Variants in FGGY observed in about 807,000 individuals in gnomAD.
FGGY encodes FGGY carbohydrate kinase domain containing.
A neutral mutation model predicts 71.3 loss-of-function variants in FGGY; 72 were observed. That is an observed-to-expected ratio of 1.01 (90% confidence interval 0.84 to 1.23). The LOEUF is 1.23. Among genes scored for constraint, FGGY ranks in the 50% most tolerant of loss-of-function variants. The probability of loss-of-function intolerance (pLI) is 0.00; values close to 1 mark genes in which losing one functional copy is unlikely to be tolerated. For missense variants in FGGY, 668 were observed against 682.3 expected (o/e 0.98, Z 0.23); for synonymous variants, 251 against 250.3 (o/e 1.00, Z -0.02).
chr1:59,730,451 C>T (rs1420635453), intron 14 of FGGY, among the ~76,000 whole-genome samples: 2 of 152,130 alleles, frequency 1.3e-5, no homozygotes, highest in Non-Finnish European at 2.9e-5. Context: ...AAGCAGGGGC[C>T]ATGTCTGTTT....
chr1:59,341,016 G>A (rs1278322657), intron 3 of FGGY, among the ~76,000 whole-genome samples: 1 of 152,152 alleles, frequency 6.6e-6, no homozygotes, highest in East Asian at 1.9e-4. Context: ...TTCTGTTAGA[G>A]AACCCTTGAT....
chr1:59,668,145 G>A (rs2097342048), intron 13 of FGGY, among the ~76,000 whole-genome samples: 1 of 152,204 alleles, frequency 6.6e-6, no homozygotes, highest in South Asian at 2.1e-4. Context: ...GACAGTGGGG[G>A]AGAAGGATCC....
At chr1:59,695,724 C>T (rs1048596001) in intron 14 of FGGY, among the ~76,000 whole-genome samples, 1 of 152,186 alleles carries the variant, frequency 6.6e-6, no homozygotes, top group Non-Finnish European at 1.5e-5. Flanking sequence ...ACACTGTGGT[C>T]AACCAGTGCT....
intron 6 of FGGY, among the ~76,000 whole-genome samples, chr1:59,499,299 G>GTTTTTTTTTTTTTTTTTTTTTTT (rs58170089): frequency 2.8e-5 from 3 of 105,802 alleles, no homozygotes; most frequent in Non-Finnish European, 3.7e-5. Flanking sequence ...TACTATGTTT[G>GTTTTTTTTTTTTTTTTTTTTTTT]TTTTTTTTTT....
At chr1:59,374,834 C>T (rs920429303) in intron 4 of FGGY, among the ~76,000 whole-genome samples, 7 of 144,332 alleles carry the variant, frequency 4.8e-5, no homozygotes, top group Non-Finnish European at 1.0e-4. Context: ...CGCATATTCT[C>T]ACTCATAGGT....
intron 5 of FGGY, among the ~76,000 whole-genome samples, chr1:59,410,072 C>CA (rs1410853762): frequency 6.6e-6 from 1 of 152,102 alleles, no homozygotes; most frequent in Non-Finnish European, 1.5e-5. Flanking sequence ...AGAGGAAGGC[C>CA]ATTGGTATGA....
intron 11 of FGGY, among the ~76,000 whole-genome samples, chr1:59,655,143 G>T (rs1387015544): frequency 6.6e-6 from 1 of 152,168 alleles, no homozygotes; most frequent in Non-Finnish European, 1.5e-5. Flanking sequence ...CCACAGCATG[G>T]TGAAGGAGAT....
intron 14 of FGGY, among the ~76,000 whole-genome samples, chr1:59,732,567 C>T (rs1319736487): frequency 6.6e-6 from 1 of 151,924 alleles, no homozygotes; most frequent in African/African-American, 2.4e-5. Flanking sequence ...TTGTGGCAAA[C>T]TGAGCAGGGT....
chr1:59,634,052 C>T (rs1174877215), intron 10 of FGGY, among the ~76,000 whole-genome samples: 1 of 152,124 alleles, frequency 6.6e-6, no homozygotes, highest in Non-Finnish European at 1.5e-5. Flanking sequence ...TATTGTTCCT[C>T]ATGGTAGTAC....
intron 14 of FGGY, among the ~76,000 whole-genome samples, chr1:59,741,875 C>T (rs1461080085): frequency 4.0e-5 from 6 of 148,218 alleles, no homozygotes; most frequent in Non-Finnish European, 7.4e-5. Flanking sequence ...GAAGGCAGAG[C>T]TTGCAGTGAG....
At chr1:59,486,966 G>A (rs554025010) in intron 6 of FGGY, among the ~76,000 whole-genome samples, 1 of 152,218 alleles carries the variant, frequency 6.6e-6, no homozygotes, top group Non-Finnish European at 1.5e-5. Context: ...AGTCTAGGTT[G>A]TATGAAAAAA....
chr1:59,573,956 CTTGCATTA>C (rs1402841919), intron 8 of FGGY, among the ~76,000 whole-genome samples: 2 of 152,126 alleles, frequency 1.3e-5, no homozygotes, highest in African/African-American at 4.8e-5. Flanking sequence ...CTGTAATTGT[CTTGCATTA>C]CTGTTTCTAG....
chr1:59,615,876 GCCAAA>G (rs2096747268), intron 9 of FGGY, among the ~76,000 whole-genome samples: 1 of 152,158 alleles, frequency 6.6e-6, no homozygotes, highest in Non-Finnish European at 1.5e-5. Flanking sequence ...CATTTATGTA[GCCAAA>G]AGACACATGA....
At chr1:59,455,784 C>G (rs926149183) in intron 5 of FGGY, among the ~76,000 whole-genome samples, 11 of 152,170 alleles carry the variant, frequency 7.2e-5, no homozygotes, top group African/African-American at 2.2e-4. Flanking sequence ...ACTGGAATCT[C>G]AGCCTAGGCT....
chr1:59,592,425 C>G (rs1331180863), intron 8 of FGGY, among the ~76,000 whole-genome samples: 1 of 152,058 alleles, frequency 6.6e-6, no homozygotes, highest in Non-Finnish European at 1.5e-5. Flanking sequence ...CCCAGCCATC[C>G]CATTACTGGG....
Position 59,600,407 on chromosome 1 carries a change from A to C in FGGY, c.904-7396A>C, listed in dbSNP as rs1051768497. Among the ~76,000 whole-genome samples, 3 of 152,214 alleles carry C rather than the reference A, an allele frequency of 2.0e-5. No individual in the cohort carries two copies. The South Asian group carries it at 6.2e-4, about 32-fold the overall frequency. On this transcript the variant is annotated intron_variant, in intron 8 of 15. Coordinates refer to ENST00000303721, the MANE Select transcript of FGGY (RefSeq NM_018291.5). ...TCAAAGGTTCCATGTGGAGCTCAGG[A>C]GCAAGGCCTGAGTGTGGGATAAAAA...
chr1:59,629,016 G>T (rs1335445756), intron 10 of FGGY, among the ~76,000 whole-genome samples: 1 of 152,066 alleles, frequency 6.6e-6, no homozygotes, highest in Non-Finnish European at 1.5e-5. Flanking sequence ...CTAAAAAAAT[G>T]GTAATGATAA....
At chr1:59,579,826 A>T (rs1558419021) in intron 8 of FGGY, among the ~76,000 whole-genome samples, 1 of 152,196 alleles carries the variant, frequency 6.6e-6, no homozygotes, top group Middle Eastern at 3.2e-3. Flanking sequence ...AAACCTTTCA[A>T]TAATTTTGCA....
At chr1:59,550,676 G>A (rs1480679026) in intron 7 of FGGY, among the ~76,000 whole-genome samples, 1 of 152,152 alleles carries the variant, frequency 6.6e-6, no homozygotes, top group African/African-American at 2.4e-5. Flanking sequence ...GGCCATTTGT[G>A]GCAGAATTGG....
Sources: allele counts gnomAD v4.1 joint callset (sites outside exome capture counted in the v4.1 genomes callset), GRCh38; gene constraint gnomAD v4.1.1; transcripts MANE v1.5; gene names NCBI Gene and HGNC (gene_info 2026-07-23, HGNC 2026-07-21).